FAM53B: variants seen among roughly 807,000 people sequenced by gnomAD.
FAM53B encodes protein FAM53B.
A neutral mutation model predicts 32.7 loss-of-function variants in FAM53B; 12 were observed. That is an observed-to-expected ratio of 0.37 (90% CI 0.24 to 0.59). FAM53B has a LOEUF of 0.59. FAM53B is among the 20% of genes least tolerant of loss of function. The pLI, the probability that FAM53B is intolerant of heterozygous loss-of-function variation, is 0.72. For synonymous variants in FAM53B, 234 were observed against 228.7 expected, an observed-to-expected ratio of 1.02 and a Z score of -0.21; for missense variants, 477 against 577.7, an observed-to-expected ratio of 0.83 and a Z score of 1.79.
In FAM53B at chr10:124,623,323, G is replaced by C. The variant is rs755564670; in HGVS notation, c.1188C>G (p.Ala396=). ...DCGRRAEPAA[A]WRDRGAPGNS... is the part of the protein sequence containing the mutation. Reference sequence around the variant, plus strand: ...TCCCAGGGGCCCCGCGGTCCCGCCAGGCTGCAGCCGGCTCCGCTCTCCTGC... The same window carrying C: ...TCCCAGGGGCCCCGCGGTCCCGCCACGCTGCAGCCGGCTCCGCTCTCCTGC... The change falls in exon 5 of 5, where the codon GCC becomes GCG. Residue 396 remains alanine, a synonymous_variant. Coordinates refer to ENST00000337318, the MANE Select transcript of FAM53B (RefSeq NM_014661.4). 2.7e-5 allele frequency: 44 copies of C among 1,612,378 alleles called. No individual in the cohort carries two copies. The African/African-American group carries it at 4.7e-4, about 17-fold the overall frequency.
chr10:124,680,260 C>G (rs186462366), intron 4 of FAM53B, among the ~76,000 whole-genome samples: 26 of 152,302 alleles, frequency 1.7e-4, no homozygotes, highest in African/African-American at 6.0e-4. Flanking sequence ...AGGCTCTCCC[C>G]CAAGCGGATC....
intron 4 of FAM53B, among the ~76,000 whole-genome samples, chr10:124,671,707 C>T (rs747150800): frequency 1.3e-5 from 2 of 152,170 alleles, no homozygotes; most frequent in Admixed American, 6.5e-5. Context: ...CGTTACTGCT[C>T]ACAAACTAAG....
chr10:124,722,087 C>T (rs1054642715), intron 1 of FAM53B, among the ~76,000 whole-genome samples: 5 of 152,152 alleles, frequency 3.3e-5, no homozygotes, highest in African/African-American at 1.2e-4. Flanking sequence ...TACAAAATTA[C>T]AGCCAGATAG....
intron 3 of FAM53B, among the ~76,000 whole-genome samples, chr10:124,694,750 G>A (rs1160215322): frequency 1.3e-5 from 2 of 152,228 alleles, no homozygotes; most frequent in Non-Finnish European, 2.9e-5. Context: ...AACCACCGGG[G>A]AGGTATTCAA....
At chr10:124,624,409 G>A (rs867842925) in intron 4 of FAM53B, among the ~76,000 whole-genome samples, 1 of 152,212 alleles carries the variant, frequency 6.6e-6, no homozygotes, top group Non-Finnish European at 1.5e-5. Flanking sequence ...GGGACTGGGA[G>A]GTCTGATCTG....
chr10:124,720,661 C>A (rs1050135498), intron 1 of FAM53B, among the ~76,000 whole-genome samples: 1 of 152,166 alleles, frequency 6.6e-6, no homozygotes, highest in Non-Finnish European at 1.5e-5. Flanking sequence ...GCCTGCGTGG[C>A]AGGCAACTGT....
rs991053056 is a variant in FAM53B, at chr10:124,651,390, T to C, written c.907-27786A>G. On this transcript the variant is annotated intron_variant, in intron 4 of 4. Transcript: ENST00000337318. The surrounding 1 kb of genome is among the most constrained non-coding windows in gnomAD (Gnocchi z 5.2). ...CTGCCTGGCATCCTCCTGAGCCTGC[T>C]CTGCTCTGTCCTCCCAGCTACACAG... Among the ~76,000 whole-genome samples, 5 of 152,230 alleles carry C rather than the reference T, an allele frequency of 3.3e-5. No homozygotes were observed. The highest frequency in any genetic ancestry group is 1.2e-4 in the African/African-American group (5 of 41,458).
chr10:124,669,998 A>G (rs1201823783), intron 4 of FAM53B, among the ~76,000 whole-genome samples: 2 of 151,794 alleles, frequency 1.3e-5, no homozygotes, highest in Non-Finnish European at 2.9e-5. Flanking sequence ...CCGAGGGAGG[A>G]CGCCCTGCAA....
chr10:124,681,733 G>A lies in FAM53B; in HGVS notation c.780C>T (p.Ser260=), dbSNP rs1266111379. The A allele has an allele frequency of 1.2e-6, 2 of 1,610,090 alleles. No homozygotes were observed. Among genetic ancestry groups the A allele is most frequent in the Non-Finnish European group, 1.7e-6 (2 of 1,178,384 alleles). Residue 260 remains serine (S), a synonymous_variant, in exon 4 of 5, where the codon TCC becomes TCT. Coordinates refer to ENST00000337318, the MANE Select transcript of FAM53B (RefSeq NM_014661.4). ...GGGAGCGGCTGCGGGAAAGGCCGCTGGAGCGTCTCGCCAGCTCTGGTGTTG... is the reference window on the plus strand; with the variant it reads ...GGGAGCGGCTGCGGGAAAGGCCGCTAGAGCGTCTCGCCAGCTCTGGTGTTG... The part of the protein sequence containing the change: ...PASTPELARR[S]SGLSRSRSQP...
At chr10:124,625,350 G>A (rs527989459) in intron 4 of FAM53B, among the ~76,000 whole-genome samples, 2 of 152,308 alleles carry the variant, frequency 1.3e-5, no homozygotes, top group East Asian at 1.9e-4. Flanking sequence ...AGCTCTGCAC[G>A]GGAACTCAGG....
intron 1 of FAM53B, among the ~76,000 whole-genome samples, chr10:124,737,674 CT>C (rs1267958932): frequency 1.3e-5 from 2 of 152,192 alleles, no homozygotes; most frequent in African/African-American, 4.8e-5. Flanking sequence ...TCCAAGCCCC[CT>C]GGCCATTCTA....
Position 124,623,223 on chromosome 10 carries a change from T to TGCCTGGGCCCACACCCCC in FAM53B, c.*1_*18dup, listed in dbSNP as rs1949323135. 1 of 1,567,170 alleles carries TGCCTGGGCCCACACCCCC rather than the reference T, an allele frequency of 6.4e-7. No individual in the cohort carries two copies. Among genetic ancestry groups the TGCCTGGGCCCACACCCCC allele is most frequent in the Admixed American group, 1.8e-5 (1 of 55,726 alleles). Reference sequence around the variant, plus strand: ...TGTCGATGCCAGCACACCCCAGCCCTGCCTGGGCCCACACCCCCTCAGTTC... The same window carrying TGCCTGGGCCCACACCCCC: ...TGTCGATGCCAGCACACCCCAGCCCTGCCTGGGCCCACACCCCCGCCTGGGCCCACACCCCCTCAGTTC... On this transcript the variant is annotated 3_prime_UTR_variant, in exon 5 of 5. Coordinates refer to ENST00000337318, the MANE Select transcript of FAM53B (RefSeq NM_014661.4).
At chr10:124,630,551 G>C (rs1157548944) in intron 4 of FAM53B, among the ~76,000 whole-genome samples, 5 of 152,242 alleles carry the variant, frequency 3.3e-5, no homozygotes, top group Non-Finnish European at 7.3e-5. Context: ...AACACTGGCA[G>C]CAAAACCCAG....
At chr10:124,685,560 T>G (rs1949797431) in intron 3 of FAM53B, among the ~76,000 whole-genome samples, 1 of 152,210 alleles carries the variant, frequency 6.6e-6, no homozygotes, top group Non-Finnish European at 1.5e-5. Context: ...GGGTGGCCGG[T>G]GCTCACGGAG....
intron 4 of FAM53B, among the ~76,000 whole-genome samples, chr10:124,646,431 T>C (rs901961990): frequency 6.6e-6 from 1 of 152,168 alleles, no homozygotes; most frequent in Non-Finnish European, 1.5e-5. Flanking sequence ...CAGCCAAGCG[T>C]GTAAGGAATC....
At chr10:124,724,286 G>A (rs1447130749) in intron 1 of FAM53B, among the ~76,000 whole-genome samples, 3 of 152,214 alleles carry the variant, frequency 2.0e-5, no homozygotes, top group Non-Finnish European at 4.4e-5. Context: ...AAGCTAGGGG[G>A]ACGGGGCTGG....
chr10:124,693,792 G>C (rs1475271780), intron 3 of FAM53B, among the ~76,000 whole-genome samples: 1 of 152,180 alleles, frequency 6.6e-6, no homozygotes, highest in African/African-American at 2.4e-5. Flanking sequence ...ACGGGAGTTG[G>C]CCTAAGCAGT....
chr10:124,696,023 A>G, intron 3 of FAM53B, 135 bp downstream of exon 3: 2 of 725,476 alleles, frequency 2.8e-6, no homozygotes, highest in Admixed American at 4.7e-5. Flanking sequence ...AAATAGTTAA[A>G]ACACACAGAA....
At position 124,643,711 on chromosome 10, in the gene FAM53B, G is replaced by A. The variant is rs1424356898; in HGVS notation, c.907-20107C>T. ...CCCGGAGCTTTAGAGCCGCCATCCC[G>A]AACCAGGCTAATTAAAAACGTGATT... On this transcript the variant is annotated intron_variant, in intron 4 of 4. Transcript: ENST00000337318. Among the ~76,000 whole-genome samples, 7 of 152,208 alleles carry A rather than the reference G, an allele frequency of 4.6e-5. No individual in the cohort carries two copies. The East Asian group carries it at 7.7e-4, about 17-fold the overall frequency.
Sources: gnomAD v4.1 joint callset for allele counts (sites outside exome capture counted in the v4.1 genomes callset) on GRCh38, gnomAD v4.1.1 for gene constraint, Gnocchi (gnomAD v3.1) non-coding constraint, MANE v1.5 for transcripts, NCBI Gene and HGNC (gene_info 2026-07-23, HGNC 2026-07-21) for gene names.